Variants in ZFP28 observed in about 807,000 individuals in gnomAD.
ZFP28 encodes the protein zinc finger protein 28 homolog.
A neutral mutation model predicts 39.5 loss-of-function variants in ZFP28; 31 were observed. The observed-to-expected ratio is 0.79, with a 90% CI of 0.59 to 1.06. The LOEUF is 1.06. ZFP28 is among the 50% of genes least tolerant of loss of function. The probability of loss-of-function intolerance (pLI) is 0.00; values close to 1 mark genes in which losing one functional copy is unlikely to be tolerated. For missense variants in ZFP28, 925 were observed against 1,048.4 expected, an observed-to-expected ratio of 0.88 and a Z score of 1.63; for synonymous variants, 400 against 378.6, an observed-to-expected ratio of 1.06 and a Z score of -0.66.
rs2044344112 is a variant in ZFP28, at chr19:56,555,605, A to G, written c.*213A>G. On this transcript the variant is annotated 3_prime_UTR_variant, in exon 8 of 8. Coordinates refer to ENST00000301318, the MANE Select transcript of ZFP28 (RefSeq NM_020828.2). ...CTGGTCCATAGTAAGTGCTCAGTAA[A>G]CTTAGCTGTTTTAAAAACTTTGTAT... 1.7e-6 allele frequency: 1 copy of G among 589,358 alleles called. No individual in the cohort carries two copies. Among genetic ancestry groups the G allele is most frequent in the African/African-American group, 1.9e-5 (1 of 52,232 alleles). 36.5% of individuals were successfully genotyped at this position (589,358 alleles called of 1,614,324 possible).
chr19:56,546,956 A>G (rs1402558696), intron 2 of ZFP28: 1 of 152,382 alleles, frequency 6.6e-6, no homozygotes, highest in Non-Finnish European at 1.5e-5. Flanking sequence ...AGTTTAAGAC[A>G]GAATGAGGCT....
Sources: allele counts gnomAD v4.1 joint callset, GRCh38; gene constraint gnomAD v4.1.1; transcripts MANE v1.5; gene names NCBI Gene and HGNC (gene_info 2026-07-23, HGNC 2026-07-21).